The following NCKAP5 variants were observed in gnomAD, a reference collection of about 807,000 sequenced individuals.
NCKAP5 encodes the protein NCK associated protein 5, also known as nck-associated protein 5.
A neutral mutation model predicts 167.0 loss-of-function variants in NCKAP5; 92 were observed. The ratio of observed to expected loss-of-function variants is 0.55; its 90% CI spans 0.47 to 0.66. NCKAP5 has a LOEUF of 0.66. NCKAP5 is among the 30% of genes least tolerant of loss of function. The probability of loss-of-function intolerance (pLI) is 0.00; values close to 1 mark genes in which losing one functional copy is unlikely to be tolerated. For synonymous variants in NCKAP5, 891 were observed against 877.4 expected, an observed-to-expected ratio of 1.02 and a Z score of -0.27; for missense variants, 2,378 against 2,315.0, an observed-to-expected ratio of 1.03 and a Z score of -0.56.
At chr2:133,074,971 T>C (rs2080549809) in intron 6 of NCKAP5, among the ~76,000 whole-genome samples, 1 of 151,888 alleles carries the variant, frequency 6.6e-6, no homozygotes, top group Non-Finnish European at 1.5e-5. Context: ...ACAAAAGTCA[T>C]AAACTGACAA....
At chr2:132,678,752 AAGTTAGGCAATC>A (rs141330579) in intron 19 of NCKAP5, among the ~76,000 whole-genome samples, 3,082 of 152,278 alleles carry the variant, frequency 0.02, 111 homozygotes, top group African/African-American at 0.069. Flanking sequence ...TGTGGCTAAT[AAGTTAGGCAATC>A]AGGATTTGAG....
chr2:133,662,940 A>C, the NCKAP5 span, among the ~76,000 whole-genome samples: 3 of 151,608 alleles, frequency 2.0e-5, no homozygotes, highest in African/African-American at 7.3e-5. Flanking sequence ...TCTAAGAAAC[A>C]ATGTGTATAT....
intron 11 of NCKAP5, among the ~76,000 whole-genome samples, chr2:132,797,631 A>G (rs1327470727): frequency 6.6e-6 from 1 of 152,172 alleles, no homozygotes; most frequent in Non-Finnish European, 1.5e-5. Context: ...GCTTCCGAAA[A>G]GTTTTTTCTA....
At chr2:133,373,376 T>C (rs1685931515) in intron 3 of NCKAP5, among the ~76,000 whole-genome samples, 1 of 152,158 alleles carries the variant, frequency 6.6e-6, no homozygotes, top group Admixed American at 6.5e-5. Context: ...ATATGTACTA[T>C]CTACAGGGAA....
chr2:133,351,440 G>C (rs1684354223), intron 3 of NCKAP5, among the ~76,000 whole-genome samples: 1 of 152,116 alleles, frequency 6.6e-6, no homozygotes, highest in Non-Finnish European at 1.5e-5. Flanking sequence ...AATGGTAATA[G>C]TGTTAATAAT....
Position 133,305,040 on chromosome 2 carries a change from T to C in NCKAP5, c.70-1930A>G, listed in dbSNP as rs185814868. Among the ~76,000 whole-genome samples the C allele has an allele frequency of 5.9e-5, 9 of 152,206 alleles. No individual in the cohort carries two copies. The East Asian group carries it at 1.7e-3, about 29-fold the overall frequency. ...GACATTACAGGCAGAGAAAACACCATATACAAAGGTCCTGAAATGTGCTGT... is the reference window on the plus strand; with the variant it reads ...GACATTACAGGCAGAGAAAACACCACATACAAAGGTCCTGAAATGTGCTGT... On this transcript the variant is annotated intron_variant, in intron 3 of 19. Coordinates refer to ENST00000409261, the MANE Select transcript of NCKAP5 (RefSeq NM_207363.3).
chr2:132,919,789 T>C (rs1695170121), intron 8 of NCKAP5, among the ~76,000 whole-genome samples: 1 of 152,194 alleles, frequency 6.6e-6, no homozygotes, highest in Admixed American at 6.5e-5. Flanking sequence ...GCATCAACTC[T>C]AGGGAAATTT....
At chr2:133,030,295 C>T (rs774342722) in intron 6 of NCKAP5, among the ~76,000 whole-genome samples, 14 of 152,138 alleles carry the variant, frequency 9.2e-5, no homozygotes, top group Non-Finnish European at 1.8e-4. Flanking sequence ...TGGATGGGCA[C>T]CTCACACTCA....
At chr2:133,274,649 T>C (rs892822153) in intron 4 of NCKAP5, among the ~76,000 whole-genome samples, 1 of 151,940 alleles carries the variant, frequency 6.6e-6, no homozygotes, top group African/African-American at 2.4e-5. Context: ...TGTGGGTTAA[T>C]TGGAATAGAA....
chr2:132,785,318 G>A lies in NCKAP5; in HGVS notation c.1493C>T (p.Pro498Leu). 6.2e-7 allele frequency: 1 copy of A among 1,612,070 alleles called. No homozygotes were observed. ...ACTGTGGGTTAATTTACTGCCATGT[G>A]GCCTGCAGCTCTGGTTTGGAACTGC... ...LQAVPNQSCRPHGSKLTHSVS... is the reference protein window; with the variant it reads ...LQAVPNQSCRLHGSKLTHSVS... The change falls in exon 14 of 20, where the codon CCA becomes CTA. Residue 498 changes from proline to leucine, a missense_variant. Pro to Leu is a moderately conservative substitution (Grantham distance 98, BLOSUM62 -3). Around this residue, in one of 3 missense-constraint regions of NCKAP5, gnomAD observed 1,049 missense variants for 1,023.4 expected, o/e 1.02. Transcript: ENST00000409261.
chr2:132,950,815 T>C (rs2076163715), intron 8 of NCKAP5, among the ~76,000 whole-genome samples: 1 of 152,184 alleles, frequency 6.6e-6, no homozygotes, highest in African/African-American at 2.4e-5. Flanking sequence ...CTAAATGAAT[T>C]CCTGATCATC....
At chr2:133,337,373 G>C (rs535787211) in intron 3 of NCKAP5, among the ~76,000 whole-genome samples, 1 of 150,054 alleles carries the variant, frequency 6.7e-6, no homozygotes, top group South Asian at 2.1e-4. Context: ...TACCAAGCTT[G>C]TGTGCTGCAT....
At position 133,056,591 on chromosome 2, in the gene NCKAP5, C is replaced by T. The variant is rs544778977; in HGVS notation, c.342-62352G>A. ...ATGCTAAATAAAGCTAGATGCAGGA[C>T]TGTGCTAAATACGACCAGGATAGTT... On this transcript the variant is annotated intron_variant, in intron 6 of 19. Coordinates refer to ENST00000409261, the MANE Select transcript of NCKAP5 (RefSeq NM_207363.3). 1.5e-3 allele frequency among the ~76,000 whole-genome samples: 229 copies of T among 152,312 alleles called. 2 individuals carry two copies. The highest frequency in any genetic ancestry group is 2.7e-3 in the Non-Finnish European group (182 of 68,016).
intron 3 of NCKAP5, among the ~76,000 whole-genome samples, chr2:133,335,197 A>G (rs1249800797): frequency 6.6e-6 from 1 of 152,154 alleles, no homozygotes; most frequent in Non-Finnish European, 1.5e-5. Flanking sequence ...TGGTATTGGG[A>G]TACAAATGAA....
Position 133,330,470 on chromosome 2 carries a change from T to C in NCKAP5, c.70-27360A>G, listed in dbSNP as rs186723531. Among the ~76,000 whole-genome samples, 640 of 151,928 alleles carry C rather than the reference T, an allele frequency of 4.2e-3. 6 individuals are homozygous for C. Among genetic ancestry groups the C allele is most frequent in the African/African-American group, 0.014 (601 of 41,456 alleles). On this transcript the variant is annotated intron_variant, in intron 3 of 19. Coordinates refer to ENST00000409261, the MANE Select transcript of NCKAP5 (RefSeq NM_207363.3). ...AAAGGACACGTTTTGTGTTGCCTTTTAAAAATACATGTTGTAGCAAGCATA... is the reference window on the plus strand; with the variant it reads ...AAAGGACACGTTTTGTGTTGCCTTTCAAAAATACATGTTGTAGCAAGCATA...
At chr2:132,794,829 A>T (rs1009807799) in intron 12 of NCKAP5, among the ~76,000 whole-genome samples, 8 of 152,136 alleles carry the variant, frequency 5.3e-5, no homozygotes, top group Non-Finnish European at 1.5e-5. Context: ...CCAAAAGTGG[A>T]TGGACTTTGT....
the NCKAP5 span, among the ~76,000 whole-genome samples, chr2:133,595,707 T>C: frequency 6.6e-6 from 1 of 151,996 alleles, no homozygotes; most frequent in Admixed American, 6.5e-5. Context: ...GGCTAGATGG[T>C]AAATATTTCA....
intron 3 of NCKAP5, among the ~76,000 whole-genome samples, chr2:133,422,085 G>T (rs1689514860): frequency 6.6e-6 from 1 of 152,252 alleles, no homozygotes; most frequent in Non-Finnish European, 1.5e-5. Context: ...CTAGAGCACA[G>T]AGTGCAGGGG....
At chr2:133,344,180 G>T (rs1171169321) in intron 3 of NCKAP5, among the ~76,000 whole-genome samples, 3 of 152,130 alleles carry the variant, frequency 2.0e-5, no homozygotes, top group Non-Finnish European at 4.4e-5. Flanking sequence ...GGCCAAGGTG[G>T]GTGGAATGCT....
Sources: gnomAD v4.1 joint callset for allele counts (sites outside exome capture counted in the v4.1 genomes callset) on GRCh38, gnomAD v4.1.1 for gene constraint, gnomAD v4.1.1 regional missense constraint, MANE v1.5 for transcripts, NCBI Gene and HGNC (gene_info 2026-07-23, HGNC 2026-07-21) for gene names.